FAT3: variants seen among roughly 807,000 people sequenced by gnomAD.
FAT3 encodes FAT atypical cadherin 3.
Under a neutral mutation model 310.2 loss-of-function variants are expected in FAT3, and 95 were observed. That is an observed-to-expected ratio of 0.31 (90% CI 0.26 to 0.36). The LOEUF (loss-of-function observed/expected upper bound fraction) is 0.36, where lower values mean the gene tolerates loss of function less well. FAT3 is among the 10% of genes least tolerant of loss of function. The pLI is 1.00. For synonymous variants in FAT3, 2,314 were observed against 2,192.9 expected (o/e 1.06, Z -1.54); for missense variants, 5,408 against 5,715.6 (o/e 0.95, Z 1.74).
chr11:92,554,312 A>G (rs1001019528), intron 3 of FAT3, among the ~76,000 whole-genome samples: 2 of 151,718 alleles, frequency 1.3e-5, no homozygotes, highest in Admixed American at 1.3e-4. Context: ...AATAGAAAAA[A>G]TTAGCCAGGC....
chr11:92,722,302 G>A (rs1287016670), intron 4 of FAT3, among the ~76,000 whole-genome samples: 2 of 152,108 alleles, frequency 1.3e-5, no homozygotes, highest in Admixed American at 6.5e-5. Context: ...GAATCCAGTG[G>A]AACAGTCAAA....
intron 8 of FAT3, among the ~76,000 whole-genome samples, 156 bp downstream of exon 8, chr11:92,790,374 C>A (rs1004043505): frequency 3.9e-5 from 6 of 152,170 alleles, no homozygotes. Flanking sequence ...CTTTTTATTT[C>A]AATGAAGAAT....
chr11:92,461,472 T>C (rs1951637467), intron 2 of FAT3, among the ~76,000 whole-genome samples: 1 of 151,954 alleles, frequency 6.6e-6, no homozygotes. Context: ...CAAAGGGAGA[T>C]GGAAAAAAAT....
At chr11:92,322,414 C>CA (rs1947647439) in intron 1 of FAT3, among the ~76,000 whole-genome samples, 1 of 152,168 alleles carries the variant, frequency 6.6e-6, no homozygotes, top group Non-Finnish European at 1.5e-5. Flanking sequence ...GCTGACTAAT[C>CA]AGAGTGATGT....
chr11:92,473,161 T>C (rs1205772335), intron 2 of FAT3, among the ~76,000 whole-genome samples: 1 of 152,164 alleles, frequency 6.6e-6, no homozygotes, highest in Non-Finnish European at 1.5e-5. Flanking sequence ...GGTTCACGTA[T>C]CTATCTCTCT....
intron 1 of FAT3, among the ~76,000 whole-genome samples, chr11:92,338,952 C>G (rs1236329376): frequency 6.6e-6 from 1 of 152,148 alleles, no homozygotes; most frequent in Non-Finnish European, 1.5e-5. Flanking sequence ...AGTTTCTAAC[C>G]TCAGCCATGC....
chr11:92,426,835 C>T (rs1390717469), intron 2 of FAT3, among the ~76,000 whole-genome samples: 2 of 152,156 alleles, frequency 1.3e-5, no homozygotes, highest in African/African-American at 4.8e-5. Flanking sequence ...GTTCTTTTTG[C>T]TTAGGGTTGT....
At chr11:92,770,583 G>A (rs547084361) in intron 6 of FAT3, among the ~76,000 whole-genome samples, 2 of 152,226 alleles carry the variant, frequency 1.3e-5, no homozygotes, top group African/African-American at 2.4e-5. Flanking sequence ...CGGCAGCTCC[G>A]TGTTCTGGAA....
chr11:92,772,183 A>C (rs1946476730), intron 6 of FAT3, among the ~76,000 whole-genome samples: 1 of 152,194 alleles, frequency 6.6e-6, no homozygotes, highest in South Asian at 2.1e-4. Context: ...CATTTTGGTA[A>C]AGAAAACATT....
chr11:92,874,953 AAG>A (rs138356709), intron 22 of FAT3, among the ~76,000 whole-genome samples: 2,007 of 152,262 alleles, frequency 0.013, 53 homozygotes, highest in African/African-American at 0.045. Context: ...CAGAGAATGA[AAG>A]TGATTTAAAA....
chr11:92,516,648 G>A lies in FAT3; in HGVS notation c.3293-7986G>A, dbSNP rs143672187. ...TGGAAGTTCTGGCCAGAGCAATCAGGCAAAAGAAAGAAGTAAAGGATATTC... is the reference window on the plus strand; with the variant it reads ...TGGAAGTTCTGGCCAGAGCAATCAGACAAAAGAAAGAAGTAAAGGATATTC... On this transcript the variant is annotated intron_variant, in intron 2 of 27. Coordinates refer to ENST00000525166, the MANE Select transcript of FAT3 (RefSeq NM_001367949.2). 1.1e-3 allele frequency among the ~76,000 whole-genome samples: 165 copies of A among 152,180 alleles called. 1 individual carries two copies. Among genetic ancestry groups the A allele is most frequent in the African/African-American group, 3.8e-3 (156 of 41,508 alleles).
chr11:92,453,484 T>A (rs975945385), intron 2 of FAT3, among the ~76,000 whole-genome samples: 2 of 152,078 alleles, frequency 1.3e-5, no homozygotes, highest in Non-Finnish European at 2.9e-5. Context: ...TTTTCCAATT[T>A]TTTTTTTTTG....
chr11:92,789,731 A>T (rs903019035), intron 7 of FAT3, among the ~76,000 whole-genome samples: 1 of 152,192 alleles, frequency 6.6e-6, no homozygotes, highest in Non-Finnish European at 1.5e-5. Context: ...TGGTCAGCTC[A>T]TAGTTTATGT....
At chr11:92,518,070 T>A (rs1321486752) in intron 2 of FAT3, among the ~76,000 whole-genome samples, 2 of 152,182 alleles carry the variant, frequency 1.3e-5, no homozygotes, top group African/African-American at 4.8e-5. Flanking sequence ...TGGTGATTCC[T>A]CAAGGTTCTA....
intron 1 of FAT3, among the ~76,000 whole-genome samples, chr11:92,241,871 C>T (rs939759665): frequency 1.3e-5 from 2 of 151,942 alleles, no homozygotes; most frequent in African/African-American, 4.8e-5. Flanking sequence ...AGTAATTATT[C>T]TCTTTATATT....
chr11:92,754,990 A>C (rs1164562983), intron 4 of FAT3, among the ~76,000 whole-genome samples: 1 of 152,192 alleles, frequency 6.6e-6, no homozygotes, highest in Non-Finnish European at 1.5e-5. Context: ...TCTCACAAAT[A>C]TGTGGAATGT....
In FAT3 at chr11:92,352,090, C is replaced by T. The variant is rs377758697; in HGVS notation, c.-17-6C>T. 7 of 1,281,278 alleles carry T rather than the reference C, an allele frequency of 5.5e-6. No individual in the cohort carries two copies. In the Admixed American group the frequency reaches 7.3e-5, roughly 13 times the overall value. The allele number at this position is 1,281,278 out of a possible 1,614,324, so 79.4% of individuals were successfully genotyped here. A position where few individuals can be genotyped will look rare whatever the true frequency, so the allele number is the denominator to read the frequency against. On this transcript the variant is annotated splice_region_variant and splice_polypyrimidine_tract_variant and intron_variant, in intron 1 of 27. Transcript: ENST00000525166. ...TATCTTTTCTCTCTCTCTTTCTTCC[C>T]TCCAGGATGGAAGTATGATGTGATG... is the stretch of plus-strand genomic sequence containing the variant.
intron 5 of FAT3, among the ~76,000 whole-genome samples, chr11:92,763,318 C>G (rs1946210454): frequency 6.6e-6 from 1 of 151,954 alleles, no homozygotes; most frequent in Admixed American, 6.6e-5. Flanking sequence ...GTTATGTGTC[C>G]AGAACAGTGG....
chr11:92,530,653 G>T (rs1192968728), intron 3 of FAT3, among the ~76,000 whole-genome samples: 1 of 151,998 alleles, frequency 6.6e-6, no homozygotes, highest in Non-Finnish European at 1.5e-5. Context: ...GTAGAATCAA[G>T]CAGAATTTGT....
Sources: gnomAD v4.1 joint callset for allele counts (sites outside exome capture counted in the v4.1 genomes callset) on GRCh38, gnomAD v4.1.1 for gene constraint, MANE v1.5 for transcripts, NCBI Gene and HGNC (gene_info 2026-07-23, HGNC 2026-07-21) for gene names.